TNKS: variants seen among roughly 807,000 people sequenced by gnomAD.
TNKS encodes poly [ADP-ribose] polymerase tankyrase-1.
In TNKS, 72 loss-of-function variants were observed where a neutral mutation model predicts 135.8. That is an observed-to-expected ratio of 0.53 (90% confidence interval 0.44 to 0.64). The LOEUF (loss-of-function observed/expected upper bound fraction) is 0.64. TNKS is among the 30% of genes least tolerant of loss of function. The pLI, the probability that TNKS is intolerant of heterozygous loss-of-function variation, is 0.00. For missense variants in TNKS, 1,769 were observed against 1,674.0 expected (o/e 1.06, Z -0.99); for synonymous variants, 849 against 649.3 (o/e 1.31, Z -4.68).
At chr8:9,761,458 C>G in intron 20 of TNKS, 58 bp from the exon 21 acceptor site, 1 of 1,578,200 alleles carries the variant, frequency 6.3e-7, no homozygotes, top group Admixed American at 1.8e-5. Flanking sequence ...ATTGGAAAAG[C>G]TTTTGTCCTC....
intron 1 of TNKS, among the ~76,000 whole-genome samples, chr8:9,567,722 C>T (rs572334772): frequency 6.6e-5 from 10 of 152,230 alleles, no homozygotes; most frequent in Non-Finnish European, 1.2e-4. Context: ...CTTCCAGCAA[C>T]GACTTTCTTT....
chr8:9,725,259 G>T (rs757081513), intron 12 of TNKS, among the ~76,000 whole-genome samples: 1 of 152,148 alleles, frequency 6.6e-6, no homozygotes, highest in Non-Finnish European at 1.5e-5. Context: ...CTTTTGGAAT[G>T]CTCTCTGTGT....
At chr8:9,573,401 C>A (rs1030878430) in intron 1 of TNKS, among the ~76,000 whole-genome samples, 23 of 152,296 alleles carry the variant, frequency 1.5e-4, no homozygotes, top group South Asian at 6.2e-4. Flanking sequence ...GTTTGCCTTA[C>A]TTGAACACAG....
chr8:9,767,101 C>G lies in TNKS; in HGVS notation c.3740+676C>G, dbSNP rs866354169. Among the ~76,000 whole-genome samples the G allele has an allele frequency of 2.6e-5, 4 of 152,286 alleles. No individual in the cohort carries two copies. In the South Asian group the frequency reaches 6.2e-4, roughly 24 times the overall value. ...CTAGTCACATTTGAATGAAGACACA[C>G]TTCTATAAAAAACATAGACTCTTTA... is the stretch of plus-strand genomic sequence containing the variant. On this transcript the variant is annotated intron_variant, in intron 25 of 26. Transcript: ENST00000310430.
intron 3 of TNKS, among the ~76,000 whole-genome samples, chr8:9,675,539 A>G (rs1802496609): frequency 6.6e-6 from 1 of 152,222 alleles, no homozygotes; most frequent in East Asian, 1.9e-4. Context: ...TATTCCTGAA[A>G]TTCCCTTGGC....
chr8:9,762,184 G>A (rs1167816484), intron 21 of TNKS, among the ~76,000 whole-genome samples: 1 of 151,604 alleles, frequency 6.6e-6, no homozygotes, highest in African/African-American at 2.4e-5. Context: ...TTTTTCCATT[G>A]TACTTTGCCG....
rs533530470 is a variant in TNKS at position 9,780,687 on chromosome 8, A to G, written c.*3951A>G. The G allele has an allele frequency of 6.6e-6, 1 of 152,342 alleles. No homozygotes were observed. The highest frequency in any genetic ancestry group is 2.1e-4 in the South Asian group (1 of 4,826). The allele number at this position is 152,342 out of a possible 1,614,324, so 9.4% of individuals were successfully genotyped here. ...AAACTTTTTAACCTTTTATATTTTA[A>G]TAAATAAAACATTGTAGTCCCATTT... On this transcript the variant is annotated 3_prime_UTR_variant, in exon 27 of 27. Coordinates refer to ENST00000310430, the MANE Select transcript of TNKS (RefSeq NM_003747.3).
intron 26 of TNKS, among the ~76,000 whole-genome samples, chr8:9,770,729 A>G (rs1807779745): frequency 6.6e-6 from 1 of 152,234 alleles, no homozygotes. Flanking sequence ...AACTAAATAT[A>G]TATAACCTAT....
At chr8:9,765,601 T>G in intron 23 of TNKS, 91 bp from the exon 24 acceptor site, 1 of 1,069,594 alleles carries the variant, frequency 9.3e-7, no homozygotes, top group East Asian at 2.5e-5. Flanking sequence ...AAAATAAAAA[T>G]TGAACCTTCC....
chr8:9,577,282 G>A lies in TNKS; in HGVS notation c.674-2877G>A, dbSNP rs62493902. On this transcript the variant is annotated intron_variant, in intron 1 of 26. Coordinates refer to ENST00000310430, the MANE Select transcript of TNKS (RefSeq NM_003747.3). ...TTGAGGCATTTATCTTAAATGAATA[G>A]GACAAATGTACAAGGAAATTTATTT... is the stretch of plus-strand genomic sequence containing the variant. Among the ~76,000 whole-genome samples, 1,093 of 152,104 alleles carry A rather than the reference G, an allele frequency of 7.2e-3. 3 individuals carry two copies. Among genetic ancestry groups the A allele is most frequent in the Middle Eastern group, 0.017 (5 of 292 alleles).
rs1419971382 is a variant in TNKS, at chr8:9,671,914, C to G, written c.995-8037C>G. On this transcript the variant is annotated intron_variant, in intron 3 of 26. Coordinates refer to ENST00000310430, the MANE Select transcript of TNKS (RefSeq NM_003747.3). The stretch of plus-strand genomic sequence containing the variant: ...TTTATAAGTTTTATATGGCATGATG[C>G]TCTGAGTATGGTGATGAAATCTCAC... 3.3e-5 allele frequency among the ~76,000 whole-genome samples: 5 copies of G among 152,180 alleles called. No homozygotes were observed. The East Asian group carries it at 9.6e-4, about 29-fold the overall frequency.
chr8:9,734,837 A>G lies in TNKS; in HGVS notation c.2314-28A>G, dbSNP rs749526058. The G allele has an allele frequency of 3.1e-6, 5 of 1,590,090 alleles. No homozygotes were observed. The South Asian group carries it at 4.6e-5, about 15-fold the overall frequency. On this transcript the variant is annotated intron_variant, in intron 15 of 26. Coordinates refer to ENST00000310430, the MANE Select transcript of TNKS (RefSeq NM_003747.3). ...CTACCTACTTACTACAGAAAATACA[A>G]ACCCCATTTGGTTTTTCTTCTTTGT...
At chr8:9,723,865 C>T (rs1396908678) in intron 12 of TNKS, among the ~76,000 whole-genome samples, 2 of 151,782 alleles carry the variant, frequency 1.3e-5, no homozygotes, top group South Asian at 4.2e-4. Context: ...GATTGTATAA[C>T]CCAGTGTGGG....
chr8:9,628,061 CCTT>C (rs1475991333), intron 3 of TNKS, among the ~76,000 whole-genome samples: 1 of 152,174 alleles, frequency 6.6e-6, no homozygotes, highest in Non-Finnish European at 1.5e-5. Context: ...TTCCATCTCA[CCTT>C]CTCAGGAATT....
Position 9,704,699 on chromosome 8 carries a change from G to A in TNKS, c.1144G>A (p.Val382Ile), listed in dbSNP as rs1803967422. The A allele has an allele frequency of 1.2e-6, 2 of 1,613,540 alleles. No individual in the cohort carries two copies. The highest frequency in any genetic ancestry group is 1.3e-5 in the African/African-American group (1 of 75,016). The change falls in exon 6 of 27, where the codon GTT becomes ATT. Residue 382 changes from valine to isoleucine, a missense_variant. By Grantham distance (29) the Val-to-Ile change is conservative. Coordinates refer to ENST00000310430, the MANE Select transcript of TNKS (RefSeq NM_003747.3). ...PLHLAAGYNR[V>I]RIVQLLLQHG... The stretch of plus-strand genomic sequence containing the variant: ...ACATCTAGCAGCGGGCTACAACAGA[G>A]TTCGAATAGTTCAGCTTCTTCTTCA...
intron 19 of TNKS, among the ~76,000 whole-genome samples, chr8:9,752,158 T>C (rs1196687367): frequency 6.6e-6 from 1 of 152,198 alleles, no homozygotes. Flanking sequence ...AAATGATAGC[T>C]GATACATTTA....
At chr8:9,754,513 CT>C (rs902241897) in intron 20 of TNKS, among the ~76,000 whole-genome samples, 8 of 151,682 alleles carry the variant, frequency 5.3e-5, no homozygotes, top group African/African-American at 1.5e-4. Context: ...TGCTTTCTCT[CT>C]TTTTTTTAGC....
At chr8:9,774,208 C>T (rs76860245) in intron 26 of TNKS, among the ~76,000 whole-genome samples, 1,729 of 152,292 alleles carry the variant, frequency 0.011, 34 homozygotes, top group African/African-American at 0.039. Flanking sequence ...GTTCTCTGCT[C>T]ATTGGTTTCT....
intron 3 of TNKS, among the ~76,000 whole-genome samples, chr8:9,622,344 A>G (rs1407644075): frequency 2.0e-5 from 3 of 152,336 alleles, no homozygotes; most frequent in Non-Finnish European, 2.9e-5. Context: ...AGCGTTACAT[A>G]AAATACAGTG....
Sources: gnomAD v4.1 joint callset for allele counts (sites outside exome capture counted in the v4.1 genomes callset) on GRCh38, gnomAD v4.1.1 for gene constraint, MANE v1.5 for transcripts, NCBI Gene and HGNC (gene_info 2026-07-23, HGNC 2026-07-21) for gene names.